CADM2: variants seen among roughly 807,000 people sequenced by gnomAD.
The protein encoded by CADM2 is cell adhesion molecule 2.
In CADM2, 12 loss-of-function variants were observed where a neutral mutation model predicts 49.8. The observed-to-expected ratio is 0.24, with a 90% CI of 0.15 to 0.39. The LOEUF is 0.39. Ranked by LOEUF, CADM2 falls within the 10% of genes least tolerant of loss-of-function variation. The pLI is 1.00. For synonymous variants in CADM2, 214 were observed against 175.4 expected (o/e 1.22, Z -1.74); for missense variants, 378 against 492.3 (o/e 0.77, Z 2.20).
At chr3:85,222,819 T>C (rs2042072542) in intron 1 of CADM2, among the ~76,000 whole-genome samples, 1 of 152,160 alleles carries the variant, frequency 6.6e-6, no homozygotes, top group Admixed American at 6.6e-5. Flanking sequence ...ACTGAATTAT[T>C]TGGTCTCATC....
chr3:86,020,269 C>T (rs1173705922), intron 8 of CADM2, among the ~76,000 whole-genome samples: 5 of 151,560 alleles, frequency 3.3e-5, no homozygotes, highest in Non-Finnish European at 5.9e-5. Context: ...CACATACACT[C>T]TCCCAAGACT....
chr3:85,175,964 T>C (rs1307312758), intron 1 of CADM2, among the ~76,000 whole-genome samples: 1 of 139,682 alleles, frequency 7.2e-6, no homozygotes, highest in Non-Finnish European at 1.5e-5. Flanking sequence ...AGTCTCGCTC[T>C]GTCGCCCAGG....
intron 1 of CADM2, among the ~76,000 whole-genome samples, chr3:84,976,913 T>TGATGA (rs2031856991): frequency 2.0e-5 from 3 of 152,014 alleles, no homozygotes; most frequent in Non-Finnish European, 4.4e-5. Context: ...CATCATAGAT[T>TGATGA]TATATCTCAC....
At chr3:85,049,007 A>T (rs1486081324) in intron 1 of CADM2, among the ~76,000 whole-genome samples, 1 of 152,146 alleles carries the variant, frequency 6.6e-6, no homozygotes, top group Non-Finnish European at 1.5e-5. Flanking sequence ...AATGGATGGT[A>T]GGAAGGGAAA....
At chr3:85,019,931 T>C (rs1385870589) in intron 1 of CADM2, among the ~76,000 whole-genome samples, 2 of 152,174 alleles carry the variant, frequency 1.3e-5, no homozygotes, top group South Asian at 2.1e-4. Context: ...GGCTCTTTCC[T>C]TCATGTTGCT....
intron 1 of CADM2, among the ~76,000 whole-genome samples, chr3:85,424,681 A>G (rs1447354456): frequency 1.3e-5 from 2 of 152,212 alleles, no homozygotes; most frequent in African/African-American, 2.4e-5. Flanking sequence ...ATTTTCAAAT[A>G]TGTAATTGCT....
chr3:85,487,499 G>A (rs1313958293), intron 1 of CADM2, among the ~76,000 whole-genome samples: 1 of 151,848 alleles, frequency 6.6e-6, no homozygotes, highest in Admixed American at 6.6e-5. Context: ...GGAGGAAGAG[G>A]AGTAGGAGGA....
chr3:85,878,597 C>A (rs950698481), intron 3 of CADM2, among the ~76,000 whole-genome samples: 1 of 152,102 alleles, frequency 6.6e-6, no homozygotes, highest in Non-Finnish European at 1.5e-5. Flanking sequence ...CAGTTCTCAT[C>A]ATAATCCAAA....
chr3:85,747,005 C>A (rs2068646983), intron 2 of CADM2, among the ~76,000 whole-genome samples: 1 of 152,164 alleles, frequency 6.6e-6, no homozygotes, highest in South Asian at 2.1e-4. Context: ...CTGACTTCTG[C>A]CTGATTTCAG....
chr3:85,125,901 C>T (rs1051902263), intron 1 of CADM2, among the ~76,000 whole-genome samples: 2 of 152,102 alleles, frequency 1.3e-5, no homozygotes, highest in Non-Finnish European at 2.9e-5. Flanking sequence ...AAATTAGAAG[C>T]CAATCCTCAG....
At chr3:85,279,933 A>G (rs879397553) in intron 1 of CADM2, among the ~76,000 whole-genome samples, 7 of 151,582 alleles carry the variant, frequency 4.6e-5, no homozygotes, top group Non-Finnish European at 1.0e-4. Context: ...TTGGAAATCA[A>G]CTGCTTATTA....
chr3:85,997,746 T>A (rs1729605474), intron 8 of CADM2, among the ~76,000 whole-genome samples: 1 of 152,152 alleles, frequency 6.6e-6, no homozygotes, highest in African/African-American at 2.4e-5. Context: ...ATTTCTAACT[T>A]GCTGTTATAA....
intron 8 of CADM2, among the ~76,000 whole-genome samples, chr3:85,980,693 G>A (rs1048178185): frequency 7.9e-5 from 12 of 151,522 alleles, no homozygotes; most frequent in African/African-American, 2.9e-4. Flanking sequence ...GTTATCTAAA[G>A]TTCTACTTTG....
intron 1 of CADM2, among the ~76,000 whole-genome samples, chr3:85,032,825 T>C (rs2035044637): frequency 6.6e-6 from 1 of 152,290 alleles, no homozygotes; most frequent in East Asian, 1.9e-4. Context: ...TAAATATACA[T>C]GCTTTGACAT....
chr3:85,641,293 G>A (rs781455020), intron 1 of CADM2, among the ~76,000 whole-genome samples: 5 of 152,084 alleles, frequency 3.3e-5, no homozygotes, highest in Admixed American at 6.6e-5. Flanking sequence ...TTAACCATTC[G>A]TTATATACAA....
intron 1 of CADM2, among the ~76,000 whole-genome samples, chr3:85,121,728 T>G (rs1339163641): frequency 6.6e-6 from 1 of 152,168 alleles, no homozygotes; most frequent in Non-Finnish European, 1.5e-5. Context: ...TCAGTAATAT[T>G]ACCTATCTTT....
intron 1 of CADM2, among the ~76,000 whole-genome samples, chr3:85,059,368 A>C (rs2036214944): frequency 6.6e-6 from 1 of 152,044 alleles, no homozygotes; most frequent in South Asian, 2.1e-4. Flanking sequence ...AATTCATCTA[A>C]GTAAAGGAAG....
intron 5 of CADM2, among the ~76,000 whole-genome samples, chr3:85,911,570 C>T (rs1210224520): frequency 6.6e-6 from 1 of 152,212 alleles, no homozygotes; most frequent in Non-Finnish European, 1.5e-5. Context: ...CCAAAGATGA[C>T]AACTTTCTCA....
At chr3:85,282,250 G>GC (rs1042260341) in intron 1 of CADM2, among the ~76,000 whole-genome samples, 1 of 128,624 alleles carries the variant, frequency 7.8e-6, no homozygotes, top group Non-Finnish European at 1.6e-5. Flanking sequence ...TGGTTTGGGG[G>GC]CTTTTTTTTT....
Sources: gnomAD v4.1 joint callset for allele counts (sites outside exome capture counted in the v4.1 genomes callset) on GRCh38, gnomAD v4.1.1 for gene constraint, MANE v1.5 for transcripts, NCBI Gene and HGNC (gene_info 2026-07-23, HGNC 2026-07-21) for gene names.